The following ZAN variants were observed in gnomAD, a reference collection of about 807,000 sequenced individuals.
The protein encoded by ZAN is zonadhesin, also known as zonadhesin (gene/pseudogene).
A neutral mutation model predicts 286.2 loss-of-function variants in ZAN; 260 were observed. The ratio of observed to expected loss-of-function variants is 0.91; its 90% CI spans 0.82 to 1.01. The LOEUF (loss-of-function observed/expected upper bound fraction) is 1.01. ZAN is among the 50% of genes least tolerant of loss of function. The pLI, the probability that ZAN is intolerant of heterozygous loss-of-function variation, is 0.00. For synonymous variants in ZAN, 1,368 were observed against 1,417.5 expected (o/e 0.97, Z 0.79); for missense variants, 3,410 against 3,639.2 (o/e 0.94, Z 1.62).
intron 17 of ZAN, 105 bp from the exon 18 acceptor site, chr7:100,759,616 C>T: frequency 7.2e-7 from 1 of 1,395,174 alleles, no homozygotes; most frequent in Non-Finnish European, 9.4e-7. Context: ...GGGCTGGTGT[C>T]TCGGTGGCGC....
chr7:100,746,707 G>C lies in ZAN; in HGVS notation c.931+5G>C. On this transcript the variant is annotated splice_donor_5th_base_variant and intron_variant, in intron 8 of 47. Transcript: ENST00000613979. ...ACATTTATGCTTCAGTCTTGGGTTA[G>C]AGCGGAGAATTAATGGGATTTACAC... 4.3e-6 allele frequency: 7 copies of C among 1,613,862 alleles called. No individual in the cohort carries two copies. The highest frequency in any genetic ancestry group is 4.2e-6 in the Non-Finnish European group (5 of 1,179,826).
At chr7:100,772,296 G>T (rs1810428589) in intron 29 of ZAN, among the ~76,000 whole-genome samples, 1 of 150,878 alleles carries the variant, frequency 6.6e-6, no homozygotes, top group South Asian at 2.1e-4. Context: ...GCCAGGTGTG[G>T]TGGCAAGCAC....
Position 100,797,259 on chromosome 7 carries a change from A to G in ZAN, c.8267-107A>G, listed in dbSNP as rs563339460. The G allele has an allele frequency of 3.0e-6, 3 of 1,015,892 alleles. No individual in the cohort carries two copies. In the East Asian group the frequency reaches 7.6e-5, roughly 26 times the overall value. The allele number at this position is 1,015,892 out of a possible 1,614,324, so 62.9% of individuals were successfully genotyped here. ...AGCAGACACACCTAGAGATTTAGAGAGATGAGGTCCCCTGGGGTAGCAAGC... is the reference window on the plus strand; with the variant it reads ...AGCAGACACACCTAGAGATTTAGAGGGATGAGGTCCCCTGGGGTAGCAAGC... On this transcript the variant is annotated intron_variant, in intron 45 of 47. Transcript: ENST00000613979.
Position 100,764,195 on chromosome 7 carries a change from C to T in ZAN, c.4266C>T (p.Cys1422=). Reference sequence around the variant, plus strand: ...AGCCCTGGAGGGAACCCCACTTCTGCCGTGAGTTGTGCCAAACTCAGAGGA... The same window carrying T: ...AGCCCTGGAGGGAACCCCACTTCTGTCGTGAGTTGTGCCAAACTCAGAGGA... ...AVKPWREPHF[C]PMACPPNSKY... The change falls in exon 22 of 48, where the codon TGC becomes TGT. Residue 1422 remains cysteine, a splice_region_variant and synonymous_variant. Coordinates refer to ENST00000613979, the MANE Select transcript of ZAN (RefSeq NM_003386.3). 6.5e-7 allele frequency: 1 copy of T among 1,548,384 alleles called. No homozygotes were observed. Among genetic ancestry groups the T allele is most frequent in the Non-Finnish European group, 8.7e-7 (1 of 1,147,514 alleles).
At chr7:100,781,869 A>G (rs1584619859) in intron 35 of ZAN, among the ~76,000 whole-genome samples, 2 of 151,590 alleles carry the variant, frequency 1.3e-5, no homozygotes, top group Admixed American at 1.3e-4. Flanking sequence ...TGAACTCCTC[A>G]CCTCAGGTGA....
chr7:100,755,737 A>G (rs1809101864), intron 15 of ZAN, among the ~76,000 whole-genome samples: 1 of 151,770 alleles, frequency 6.6e-6, no homozygotes, highest in Non-Finnish European at 1.5e-5. Flanking sequence ...ATGCCCAGCT[A>G]ATTTTTGTAT....
In ZAN at chr7:100,760,475, A is replaced by G; in HGVS notation, c.3781A>G (p.Thr1261Ala). 1 of 1,613,906 alleles carries G rather than the reference A, an allele frequency of 6.2e-7. No individual in the cohort carries two copies. The highest frequency in any genetic ancestry group is 8.5e-7 in the Non-Finnish European group (1 of 1,179,880). The change falls in exon 19 of 48, where the codon ACG becomes GCG. Residue 1261 changes from threonine to alanine, a missense_variant. This residue lies in a region of ZAN where 1,042 missense variants were observed against 1,058.0 expected (regional missense o/e 0.98). Coordinates refer to ENST00000613979, the MANE Select transcript of ZAN (RefSeq NM_003386.3). ...AAGCGGGCGGTTTGTGGAGCTGCAG[A>G]CGGAGTTCGGTTTGCGGGTGAGATG... ...GASGRFVELQ[T>A]EFGLRVRWDG...
rs1311795745 is a variant in ZAN at position 100,792,396 on chromosome 7, C to T, written c.7713-9C>T. On this transcript the variant is annotated splice_polypyrimidine_tract_variant and intron_variant, in intron 41 of 47. Coordinates refer to ENST00000613979, the MANE Select transcript of ZAN (RefSeq NM_003386.3). ...TGACTGTGCCCTTCCTGCCCCCTCT[C>T]TGCACCAGGCACTGCGTGCTGGATC... 3 of 1,602,902 alleles carry T rather than the reference C, an allele frequency of 1.9e-6. No individual in the cohort carries two copies. The highest frequency in any genetic ancestry group is 2.6e-6 in the Non-Finnish European group (3 of 1,172,870).
intron 29 of ZAN, 91 bp downstream of exon 29, chr7:100,772,111 T>TG: frequency 7.6e-7 from 1 of 1,316,648 alleles, no homozygotes; most frequent in Non-Finnish European, 1.0e-6. Context: ...TTTTTTTTTT[T>TG]GAGACGGAGT....
At chr7:100,741,966 A>AC (rs1298154637) in intron 7 of ZAN, among the ~76,000 whole-genome samples, 2 of 32,766 alleles carry the variant, frequency 6.1e-5, no homozygotes, top group Non-Finnish European at 1.4e-4. Flanking sequence ...CGGGGGGCTG[A>AC]CCCCCCCTCA....
Position 100,768,729 on chromosome 7 carries a change from G to A in ZAN, c.5153+8G>A, listed in dbSNP as rs773819174. ...TGAATCCTCTGAACCTGGGTGAGCT[G>A]GGGGTCAGGGGAGCCAGGCAGGAGG... On this transcript the variant is annotated splice_region_variant and intron_variant, in intron 27 of 47. Transcript: ENST00000613979. The A allele has an allele frequency of 1.9e-6, 3 of 1,582,404 alleles. No homozygotes were observed. Among genetic ancestry groups the A allele is most frequent in the East Asian group, 2.3e-5 (1 of 43,442 alleles).
At chr7:100,784,486 C>A in intron 35 of ZAN, 137 bp from the exon 36 acceptor site, 1 of 818,674 alleles carries the variant, frequency 1.2e-6, no homozygotes, top group Non-Finnish European at 1.9e-6. Context: ...TAAATGTTTG[C>A]TGAATGAATA....
At chr7:100,762,415 C>CAA in intron 20 of ZAN, 57 bp downstream of exon 20, 3 of 1,048,296 alleles carry the variant, frequency 2.9e-6, no homozygotes, top group Non-Finnish European at 3.8e-6. Context: ...CTTCCTGGAA[C>CAA]TCTCTTTTTT....
At chr7:100,782,061 A>G (rs544700314) in intron 35 of ZAN, among the ~76,000 whole-genome samples, 19 of 152,002 alleles carry the variant, frequency 1.2e-4, no homozygotes, top group Non-Finnish European at 2.2e-4. Context: ...TCCAGTCACC[A>G]TTTTTCCATT....
chr7:100,773,517 C>G, intron 30 of ZAN, 24 bp downstream of exon 30: 1 of 1,609,678 alleles, frequency 6.2e-7, no homozygotes, highest in South Asian at 1.1e-5. Flanking sequence ...TAGGAGGGGC[C>G]CCGCCCTTTC....
At chr7:100,749,296 C>T (rs537443596) in intron 11 of ZAN, among the ~76,000 whole-genome samples, 5 of 150,936 alleles carry the variant, frequency 3.3e-5, no homozygotes, top group African/African-American at 9.7e-5. Flanking sequence ...GAGCTGAGAT[C>T]GCACCACTGC....
intron 7 of ZAN, among the ~76,000 whole-genome samples, chr7:100,743,400 TTC>T (rs1158378510): frequency 1.3e-5 from 2 of 152,046 alleles, no homozygotes; most frequent in African/African-American, 4.8e-5. Flanking sequence ...CTGAGCTTCT[TTC>T]TCTTTCTACT....
chr7:100,746,679 T>C lies in ZAN; in HGVS notation c.908T>C (p.Leu303Pro). 6.2e-7 allele frequency: 1 copy of C among 1,613,940 alleles called. No homozygotes were observed. The highest frequency in any genetic ancestry group is 8.5e-7 in the Non-Finnish European group (1 of 1,179,876). ...CGGGGCCAGTCTCCTGGTGCAGCCC[T>C]CCACATTTATGCTTCAGTCTTGGGT... is the stretch of plus-strand genomic sequence containing the variant. Reference protein sequence around the residue: ...ILRGQSPGAALHIYASVLGSI... With the variant: ...ILRGQSPGAAPHIYASVLGSI... The change falls in exon 8 of 48, where the codon CTC (leucine) becomes CCC (proline). Residue 303 changes from leucine (L) to proline (P), a missense_variant. Leu to Pro is a moderately conservative substitution (Grantham distance 98). This residue lies in a region of ZAN where 872 missense variants were observed against 938.9 expected (regional missense o/e 0.93). Coordinates refer to ENST00000613979, the MANE Select transcript of ZAN (RefSeq NM_003386.3).
intron 37 of ZAN, among the ~76,000 whole-genome samples, chr7:100,786,930 C>T (rs221805): frequency 0.38 from 58,358 of 151,916 alleles, 13,406 homozygotes; most frequent in Middle Eastern, 0.66. Flanking sequence ...GGTGTAGTGG[C>T]TTGTGCCTGT....
Sources: gnomAD v4.1 joint callset for allele counts (sites outside exome capture counted in the v4.1 genomes callset) on GRCh38, gnomAD v4.1.1 for gene constraint, gnomAD v4.1.1 regional missense constraint, MANE v1.5 for transcripts, NCBI Gene and HGNC (gene_info 2026-07-23, HGNC 2026-07-21) for gene names.